The following ERBB4 variants were observed in gnomAD, a reference collection of about 807,000 sequenced individuals.
The protein encoded by ERBB4 is receptor tyrosine-protein kinase erbB-4.
Under a neutral mutation model 158.0 loss-of-function variants are expected in ERBB4, and 42 were observed. That is an observed-to-expected ratio of 0.27 (90% CI 0.21 to 0.34). The LOEUF (loss-of-function observed/expected upper bound fraction) is 0.34, where lower values mean the gene tolerates loss of function less well. Among genes scored for constraint, ERBB4 ranks in the 10% least tolerant of loss-of-function variants. The pLI is 1.00. For missense variants in ERBB4, 1,333 were observed against 1,624.1 expected, an observed-to-expected ratio of 0.82 and a Z score of 3.08; for synonymous variants, 583 against 558.7, an observed-to-expected ratio of 1.04 and a Z score of -0.61.
intron 2 of ERBB4, among the ~76,000 whole-genome samples, chr2:211,962,314 C>A (rs546419662): frequency 2.5e-4 from 38 of 152,100 alleles, no homozygotes; most frequent in Non-Finnish European, 4.7e-4. Context: ...GTGTTCCTTG[C>A]TATCAAATTC....
At chr2:212,174,611 C>T (rs1409855864) in intron 1 of ERBB4, among the ~76,000 whole-genome samples, 1 of 152,040 alleles carries the variant, frequency 6.6e-6, no homozygotes. Context: ...CCAAAGACCA[C>T]ATTTGTGGAC....
At chr2:211,737,026 G>A (rs1389156736) in intron 5 of ERBB4, among the ~76,000 whole-genome samples, 1 of 152,068 alleles carries the variant, frequency 6.6e-6, no homozygotes, top group African/African-American at 2.4e-5. Context: ...TATATTTGTT[G>A]TTACTTACTT....
chr2:212,437,080 T>C (rs180681874), intron 1 of ERBB4, among the ~76,000 whole-genome samples: 14 of 152,120 alleles, frequency 9.2e-5, no homozygotes, highest in Non-Finnish European at 1.8e-4. Context: ...GCAAGGTAAA[T>C]TATCTACAAT....
At chr2:211,426,058 A>G (rs757343231) in intron 22 of ERBB4, among the ~76,000 whole-genome samples, 5 of 152,114 alleles carry the variant, frequency 3.3e-5, no homozygotes, top group Admixed American at 6.6e-5. Context: ...ATACTCTCAC[A>G]TTTCTAGCAG....
chr2:212,157,113 C>T (rs1046035248), intron 1 of ERBB4, among the ~76,000 whole-genome samples: 1 of 152,078 alleles, frequency 6.6e-6, no homozygotes, highest in Non-Finnish European at 1.5e-5. Context: ...AATGGCATAT[C>T]AGACCTTCAG....
intron 1 of ERBB4, among the ~76,000 whole-genome samples, chr2:212,349,814 T>C (rs540244855): frequency 3.9e-5 from 6 of 152,206 alleles, no homozygotes; most frequent in South Asian, 2.1e-4. Context: ...CTATATCTTA[T>C]AGTTGCTCTA....
At chr2:211,680,907 C>T (rs182066488) in intron 12 of ERBB4, among the ~76,000 whole-genome samples, 2 of 152,176 alleles carry the variant, frequency 1.3e-5, no homozygotes, top group Admixed American at 1.3e-4. Context: ...ATAAAGTATA[C>T]CATTTGATAA....
intron 1 of ERBB4, among the ~76,000 whole-genome samples, chr2:212,292,692 A>G (rs1365928014): frequency 6.6e-6 from 1 of 152,080 alleles, no homozygotes; most frequent in African/African-American, 2.4e-5. Context: ...CCATTAATGC[A>G]AAAGGATTAT....
chr2:212,015,028 TAAA>T (rs71397157), intron 2 of ERBB4, among the ~76,000 whole-genome samples: 12 of 4,508 alleles, frequency 2.7e-3, no homozygotes, highest in African/African-American at 3.0e-3. Flanking sequence ...CCGTCTCTAC[TAAA>T]AAAAAAAAAA....
At position 211,381,089 on chromosome 2, in the gene ERBB4, G is replaced by GGAGA. The variant is rs2062567231; in HGVS notation, c.*2522_*2525dup. The GGAGA allele has an allele frequency of 1.7e-5, 4 of 232,370 alleles. No homozygotes were observed. The highest frequency in any genetic ancestry group is 3.4e-5 in the Non-Finnish European group (4 of 117,586). 14.4% of individuals were successfully genotyped at this position (232,370 alleles called of 1,614,324 possible). On this transcript the variant is annotated 3_prime_UTR_variant, in exon 28 of 28. Transcript: ENST00000342788. ...TCCTAGAGACTTCTCTGAATGGATA[G>GGAGA]GAGAGCCCTGAGCTATTAGATTGTG...
intron 20 of ERBB4, among the ~76,000 whole-genome samples, chr2:211,469,068 C>A (rs944865721): frequency 6.6e-6 from 1 of 151,978 alleles, no homozygotes; most frequent in East Asian, 1.9e-4. Context: ...GAGACCTGAT[C>A]CCGCATGTAA....
intron 1 of ERBB4, among the ~76,000 whole-genome samples, chr2:212,211,907 G>T (rs1209857421): frequency 6.6e-6 from 1 of 151,210 alleles, no homozygotes; most frequent in Non-Finnish European, 1.5e-5. Context: ...TCTTTTTATG[G>T]CAACATAGTA....
rs2062511952 is a variant in ERBB4 at position 211,378,162 on chromosome 2, C to G, written c.*5453G>C. On this transcript the variant is annotated 3_prime_UTR_variant, in exon 28 of 28. Transcript: ENST00000342788. ...AAAAAGGGAAGGATTCTATTTTCCTCTAAAGGTCAGAGAGAAATACATTTT... is the reference window on the plus strand; with the variant it reads ...AAAAAGGGAAGGATTCTATTTTCCTGTAAAGGTCAGAGAGAAATACATTTT... 4.3e-6 allele frequency: 1 copy of G among 233,080 alleles called. No individual in the cohort carries two copies. The highest frequency in any genetic ancestry group is 8.5e-6 in the Non-Finnish European group (1 of 117,686). 14.4% of individuals were successfully genotyped at this position (233,080 alleles called of 1,614,324 possible). A position where few individuals can be genotyped will look rare whatever the true frequency, so the allele number is the denominator to read the frequency against.
intron 4 of ERBB4, among the ~76,000 whole-genome samples, chr2:211,762,157 G>A (rs548358718): frequency 6.6e-6 from 1 of 152,304 alleles, no homozygotes; most frequent in South Asian, 2.1e-4. Flanking sequence ...AGACAAAGAG[G>A]GAGAGGGTCA....
chr2:211,969,494 G>A (rs1293837758), intron 2 of ERBB4, among the ~76,000 whole-genome samples: 1 of 151,934 alleles, frequency 6.6e-6, no homozygotes, highest in African/African-American at 2.4e-5. Context: ...CATAATTTAT[G>A]CTTTACCGTA....
chr2:211,820,572 C>T (rs1324059320), intron 3 of ERBB4, among the ~76,000 whole-genome samples: 1 of 151,752 alleles, frequency 6.6e-6, no homozygotes, highest in African/African-American at 2.4e-5. Flanking sequence ...GAAATTTCTT[C>T]CTCATTTAAC....
rs1323277554 is a variant in ERBB4 at position 211,704,175 on chromosome 2, T to C, written c.1218A>G (p.Ser406=). 6.2e-7 allele frequency: 1 copy of C among 1,611,300 alleles called. No homozygotes were observed. The highest frequency in any genetic ancestry group is 1.7e-5 in the Admixed American group (1 of 60,000). The change falls in exon 11 of 28, where the codon TCA becomes TCG. Residue 406 remains serine, a synonymous_variant. Transcript: ENST00000342788. ...REITGFLNIQ[S]WPPNMTDFSV... ...TGAAGTCAGTCATGTTTGGTGGCCA[T>C]GACTGTATGTTCAGGAAACCTACAA...
At chr2:212,235,768 TTGTC>T (rs1020239962) in intron 1 of ERBB4, among the ~76,000 whole-genome samples, 15 of 152,186 alleles carry the variant, frequency 9.9e-5, no homozygotes, top group African/African-American at 3.6e-4. Flanking sequence ...GGCTCTCTCT[TTGTC>T]TATTATTGTT....
intron 16 of ERBB4, among the ~76,000 whole-genome samples, chr2:211,639,348 T>C (rs561928946): frequency 4.6e-5 from 7 of 152,272 alleles, no homozygotes; most frequent in Non-Finnish European, 5.9e-5. Context: ...AGCAAAAGAT[T>C]TAAATGTCCA....
Sources: allele counts gnomAD v4.1 joint callset (sites outside exome capture counted in the v4.1 genomes callset), GRCh38; gene constraint gnomAD v4.1.1; transcripts MANE v1.5; gene names NCBI Gene and HGNC (gene_info 2026-07-23, HGNC 2026-07-21).